WDSUB1: variants seen among roughly 807,000 people sequenced by gnomAD.
The protein encoded by WDSUB1 is WD repeat, sterile alpha motif and U-box domain containing 1.
Under a neutral mutation model 53.9 loss-of-function variants are expected in WDSUB1, and 49 were observed. The observed-to-expected ratio is 0.91, with a 90% CI of 0.72 to 1.15. WDSUB1 has a LOEUF of 1.15. WDSUB1 is among the 50% of genes most tolerant of loss of function. WDSUB1 has a pLI of 0.00. For missense variants in WDSUB1, 514 were observed against 562.0 expected (o/e 0.91, Z 0.86); for synonymous variants, 194 against 200.6 (o/e 0.97, Z 0.28).
chr2:159,247,886 A>AATAAAT, intron 10 of WDSUB1, among the ~76,000 whole-genome samples: 1 of 63,824 alleles, frequency 1.6e-5, no homozygotes, highest in Non-Finnish European at 3.1e-5. Flanking sequence ...AAATTAAATA[A>AATAAAT]ATATATATAT....
At position 159,256,507 on chromosome 2, in the gene WDSUB1, A is replaced by G. The variant is rs578042991; in HGVS notation, c.953-132T>C. On this transcript the variant is annotated intron_variant, in intron 8 of 10. Transcript: ENST00000359774. ...TAGCTAGGTACAGTGGCTCATGCCT[A>G]TAATCCTAGCTTCTCAAGTGGCTGA... 45 of 895,110 alleles carry G rather than the reference A, an allele frequency of 5.0e-5. 1 individual carries two copies. The highest frequency in any genetic ancestry group is 3.8e-4 in the Admixed American group (11 of 28,930). 55.4% of individuals were successfully genotyped at this position (895,110 alleles called of 1,614,324 possible).
At chr2:159,275,351 A>T (rs2061518741) in intron 4 of WDSUB1, among the ~76,000 whole-genome samples, 195 bp downstream of exon 4, 1 of 152,240 alleles carries the variant, frequency 6.6e-6, no homozygotes, top group Non-Finnish European at 1.5e-5. Context: ...TGTGCATGGC[A>T]GTAGAATGGG....
chr2:159,285,317 G>T (rs764829315), intron 1 of WDSUB1, among the ~76,000 whole-genome samples: 1 of 152,142 alleles, frequency 6.6e-6, no homozygotes, highest in African/African-American at 2.4e-5. Context: ...GGTGTCAAGT[G>T]AGGCAGAATC....
At chr2:159,249,994 C>A (rs999892302) in intron 9 of WDSUB1, among the ~76,000 whole-genome samples, 1 of 149,928 alleles carries the variant, frequency 6.7e-6, no homozygotes, top group South Asian at 2.1e-4. Context: ...GAGGCTAAGG[C>A]AGGAACTTCA....
At chr2:159,251,666 T>A (rs1281986937) in intron 9 of WDSUB1, among the ~76,000 whole-genome samples, 1 of 152,210 alleles carries the variant, frequency 6.6e-6, no homozygotes, top group Non-Finnish European at 1.5e-5. Context: ...AATATCTGGC[T>A]ATTACTGACT....
intron 9 of WDSUB1, among the ~76,000 whole-genome samples, chr2:159,248,727 T>C (rs2060879527): frequency 6.6e-6 from 1 of 152,168 alleles, no homozygotes; most frequent in Admixed American, 6.5e-5. Flanking sequence ...CACCTCAGCC[T>C]CCTGAGTAGC....
At chr2:159,277,402 C>T (rs2061565962) in intron 3 of WDSUB1, among the ~76,000 whole-genome samples, 1 of 152,136 alleles carries the variant, frequency 6.6e-6, no homozygotes, top group Admixed American at 6.6e-5. Flanking sequence ...TGTTTCTTAA[C>T]TAAATAGATC....
At position 159,281,869 on chromosome 2, in the gene WDSUB1, C is replaced by T. The variant is rs548179137; in HGVS notation, c.398+803G>A. 2.2e-3 allele frequency among the ~76,000 whole-genome samples: 338 copies of T among 152,130 alleles called. 1 individual carries two copies. The highest frequency in any genetic ancestry group is 4.1e-3 in the Non-Finnish European group (280 of 67,996). On this transcript the variant is annotated intron_variant, in intron 2 of 10. Coordinates refer to ENST00000359774, the MANE Select transcript of WDSUB1 (RefSeq NM_001128212.3). The stretch of plus-strand genomic sequence containing the variant: ...GCAGGAGTCTGTAATCCCAGCAACT[C>T]GGGAGGCCGAGGCAGGAGAATCGCT...
Position 159,253,995 on chromosome 2 carries a change from G to C in WDSUB1, c.1132+2201C>G, listed in dbSNP as rs191229949. On this transcript the variant is annotated intron_variant, in intron 9 of 10. Transcript: ENST00000359774. ...TTATTCTAATTTGTTGAGTTTGCTA[G>C]ATCTCCATATCTTAAACACAAGCCT... Among the ~76,000 whole-genome samples the C allele has an allele frequency of 2.1e-4, 32 of 152,280 alleles. No homozygotes were observed. In the East Asian group the frequency reaches 5.8e-3, roughly 28 times the overall value.
chr2:159,270,440 A>AG (rs2061424770), intron 5 of WDSUB1, among the ~76,000 whole-genome samples: 1 of 126,032 alleles, frequency 7.9e-6, no homozygotes. Flanking sequence ...CTAGGAATAG[A>AG]CAAAATATAA....
Position 159,259,820 on chromosome 2 carries a change from A to C in WDSUB1, c.794T>G (p.Val265Gly). The C allele has an allele frequency of 1.3e-6, 2 of 1,525,848 alleles. No individual in the cohort carries two copies. The highest frequency in any genetic ancestry group is 1.8e-6 in the Non-Finnish European group (2 of 1,121,620). 94.5% of individuals were successfully genotyped at this position (1,525,848 alleles called of 1,614,324 possible). The change falls in exon 6 of 11, where the codon GTA (valine) becomes GGA (glycine). Residue 265 changes from valine (V) to glycine (G), a missense_variant. Val to Gly is a moderately radical substitution (Grantham distance 109). Coordinates refer to ENST00000359774, the MANE Select transcript of WDSUB1 (RefSeq NM_001128212.3). ...TTTTTAAATACTTACAGTATCATAT[A>C]CTATGACAGACTTATCCACTGACCT... is the stretch of plus-strand genomic sequence containing the variant. ...VSGSVDKSVI[V>G]YDTNTENILH...
intron 5 of WDSUB1, among the ~76,000 whole-genome samples, chr2:159,264,198 T>C (rs200476396): frequency 6.6e-6 from 1 of 152,236 alleles, no homozygotes; most frequent in Non-Finnish European, 1.5e-5. Flanking sequence ...GGTGTGGCTA[T>C]TCAAATTTCA....
chr2:159,271,132 C>T (rs2061436446), intron 5 of WDSUB1, among the ~76,000 whole-genome samples: 1 of 152,188 alleles, frequency 6.6e-6, no homozygotes, highest in African/African-American at 2.4e-5. Flanking sequence ...TGTTCAGCCA[C>T]TTGGAAACTG....
chr2:159,280,708 A>AAAAAAAAAAAAAAAAAC lies in WDSUB1; in HGVS notation c.399-764_399-763insGTTTTTTTTTTTTTTTT, dbSNP rs111752652. On this transcript the variant is annotated intron_variant, in intron 2 of 10. Transcript: ENST00000359774. ...TCCGTCTCAAAAAAAAAAAAAAAAA[A>AAAAAAAAAAAAAAAAAC]ATTACCCAGAAGCAATGGCGAGGTC... Among the ~76,000 whole-genome samples, 249 of 134,338 alleles carry AAAAAAAAAAAAAAAAAC rather than the reference A, an allele frequency of 1.9e-3. 17 individuals carry two copies. Among genetic ancestry groups the AAAAAAAAAAAAAAAAAC allele is most frequent in the African/African-American group, 7.9e-3 (234 of 29,660 alleles). The allele number at this position is 134,338 out of a possible 152,430, so 88.1% of individuals were successfully genotyped here.
At chr2:159,255,044 C>G (rs1269535095) in intron 9 of WDSUB1, among the ~76,000 whole-genome samples, 1 of 152,058 alleles carries the variant, frequency 6.6e-6, no homozygotes, top group East Asian at 1.9e-4. Context: ...ACAGGAAGAC[C>G]ACTTGAGCCT....
At chr2:159,256,495 T>C (rs1248889026) in intron 8 of WDSUB1, 120 bp from the exon 9 acceptor site, 5 of 1,024,050 alleles carry the variant, frequency 4.9e-6, no homozygotes, top group East Asian at 5.4e-5. Flanking sequence ...CTAGGTACAG[T>C]GGCTCATGCC....
rs149594738 is a variant in WDSUB1 at position 159,271,780 on chromosome 2, T to C, written c.692A>G (p.Tyr231Cys). ...ACAGTGCCCACTCAGTGTACTTTTA[T>C]ATTTTAATTCAAAACCTGCAAATAA... The part of the protein sequence containing the change: ...FTHILGFELK[Y>C]KSTLSGHCAP... Residue 231 changes from tyrosine to cysteine, a missense_variant, in exon 5 of 11, where the codon TAT becomes TGT. By Grantham distance (194) the Tyr-to-Cys change is radical. Transcript: ENST00000359774. 2.4e-5 allele frequency: 39 copies of C among 1,613,962 alleles called. No individual in the cohort carries two copies. The African/African-American group carries it at 4.3e-4, about 18-fold the overall frequency.
intron 9 of WDSUB1, among the ~76,000 whole-genome samples, chr2:159,252,706 A>G (rs73967280): frequency 0.029 from 4,347 of 152,348 alleles, 197 homozygotes; most frequent in African/African-American, 0.094. Context: ...TGAAATCTAC[A>G]TAACGAATTA....
At chr2:159,262,181 T>C (rs556909901) in intron 5 of WDSUB1, among the ~76,000 whole-genome samples, 1 of 152,028 alleles carries the variant, frequency 6.6e-6, no homozygotes, top group South Asian at 2.1e-4. Context: ...AATCCCACTT[T>C]CCTAGACTAC....
Sources: allele counts gnomAD v4.1 joint callset (sites outside exome capture counted in the v4.1 genomes callset), GRCh38; gene constraint gnomAD v4.1.1; transcripts MANE v1.5; gene names NCBI Gene and HGNC (gene_info 2026-07-23, HGNC 2026-07-21).